The following SART3 variants were observed in gnomAD, a reference collection of about 807,000 sequenced individuals.
SART3 encodes spliceosome associated factor 3, U4/U6 recycling protein.
Under a neutral mutation model 122.3 loss-of-function variants are expected in SART3, and 44 were observed. That is an observed-to-expected ratio of 0.36 (90% CI 0.28 to 0.46). The LOEUF is 0.46. SART3 is among the 20% of genes least tolerant of loss of function. The probability of loss-of-function intolerance (pLI) is 1.00; values close to 1 mark genes in which losing one functional copy is unlikely to be tolerated. For synonymous variants in SART3, 442 were observed against 454.0 expected, an observed-to-expected ratio of 0.97 and a Z score of 0.34; for missense variants, 1,101 against 1,229.0, an observed-to-expected ratio of 0.90 and a Z score of 1.56.
chr12:108,531,327 G>A, intron 13 of SART3, 47 bp from the exon 14 acceptor site: 1 of 1,467,048 alleles, frequency 6.8e-7, no homozygotes, highest in South Asian at 1.1e-5. Context: ...GATTTTGAAG[G>A]ATACAATCAC....
chr12:108,527,091 C>CAGT (rs1872420720), intron 15 of SART3, among the ~76,000 whole-genome samples: 2 of 152,194 alleles, frequency 1.3e-5, no homozygotes, highest in Middle Eastern at 3.2e-3. Context: ...TCCAGAGGGC[C>CAGT]AGTACTGAAG....
intron 3 of SART3, among the ~76,000 whole-genome samples, chr12:108,546,578 TG>T (rs1873431766): frequency 6.8e-6 from 1 of 147,364 alleles, no homozygotes; most frequent in Non-Finnish European, 1.5e-5. Flanking sequence ...TGGAGTACAG[TG>T]GCACAATCTC....
chr12:108,534,660 G>A (rs754799666), intron 12 of SART3, among the ~76,000 whole-genome samples: 10 of 152,118 alleles, frequency 6.6e-5, no homozygotes, highest in Non-Finnish European at 1.2e-4. Flanking sequence ...GGGCAACAGA[G>A]TGAGACTCCC....
chr12:108,550,363 T>C (rs2029956214), intron 1 of SART3, among the ~76,000 whole-genome samples: 1 of 152,158 alleles, frequency 6.6e-6, no homozygotes, highest in Admixed American at 6.5e-5. Context: ...AAATCATATG[T>C]AATGGAACAA....
At chr12:108,545,914 G>A (rs943372541) in intron 3 of SART3, among the ~76,000 whole-genome samples, 1 of 137,046 alleles carries the variant, frequency 7.3e-6, no homozygotes, top group African/African-American at 2.7e-5. Context: ...GTTGCAGTGA[G>A]CCGAGATCAC....
Position 108,523,463 on chromosome 12 carries a change from T to G in SART3, c.2886A>C (p.Arg962Ser), listed in dbSNP as rs1280551101. The G allele has an allele frequency of 1.2e-6, 2 of 1,612,322 alleles. No homozygotes were observed. Among genetic ancestry groups the G allele is most frequent in the Admixed American group, 1.7e-5 (1 of 60,002 alleles). Reference sequence around the variant, plus strand: ...CTGTCTCCCAGCGTCCCGTTCACTTTCTCAGAAACAGCTTGGCAAAATCGG... The same window carrying G: ...CTGTCTCCCAGCGTCCCGTTCACTTGCTCAGAAACAGCTTGGCAAAATCGG... ...SNADFAKLFL[R>S]K is the part of the protein sequence containing the mutation. The change falls in exon 19 of 19, where the codon AGA becomes AGC. Residue 962 changes from arginine (R) to serine (S), a missense_variant. By Grantham distance (110) the Arg-to-Ser change is moderately radical. Transcript: ENST00000546815.
intron 7 of SART3, 88 bp from the exon 8 acceptor site, chr12:108,538,291 A>C: frequency 3.5e-6 from 5 of 1,444,556 alleles, no homozygotes; most frequent in Non-Finnish European, 4.9e-6. Context: ...CAAGTGATGA[A>C]AGAAATGTCC....
intron 13 of SART3, 189 bp from the exon 14 acceptor site, chr12:108,531,469 C>CCTTT: frequency 1.7e-6 from 1 of 584,294 alleles, no homozygotes; most frequent in South Asian, 2.0e-5. Context: ...ATGTCCCTCT[C>CCTTT]CTTTCAGGAG....
At chr12:108,542,775 G>A (rs949040924) in intron 6 of SART3, 18 of 577,482 alleles carry the variant, frequency 3.1e-5, no homozygotes, top group Middle Eastern at 2.6e-4. Flanking sequence ...ATTACCTCTC[G>A]GGAGAGGGAG....
intron 16 of SART3, 23 bp from the exon 17 acceptor site, chr12:108,525,632 G>A: frequency 6.2e-7 from 1 of 1,613,306 alleles, no homozygotes; most frequent in Non-Finnish European, 8.5e-7. Flanking sequence ...GGAAGACAGA[G>A]AAAAACCATG....
In SART3 at chr12:108,522,681, G is replaced by C. The variant is rs1872179713; in HGVS notation, c.*776C>G. 1 of 152,366 alleles carries C rather than the reference G, an allele frequency of 6.6e-6. No individual in the cohort carries two copies. The highest frequency in any genetic ancestry group is 2.1e-4 in the South Asian group (1 of 4,842). The allele number at this position is 152,366 out of a possible 1,614,324, so 9.4% of individuals were successfully genotyped here. Reference sequence around the variant, plus strand: ...TGCACATCTGAGTACCATTCAGCAAGAAGTTTTGAAGAGAACGTCAGTTTA... The same window carrying C: ...TGCACATCTGAGTACCATTCAGCAACAAGTTTTGAAGAGAACGTCAGTTTA... On this transcript the variant is annotated 3_prime_UTR_variant, in exon 19 of 19. Coordinates refer to ENST00000546815, the MANE Select transcript of SART3 (RefSeq NM_014706.4).
intron 12 of SART3, among the ~76,000 whole-genome samples, chr12:108,533,048 G>A (rs10861939): frequency 0.31 from 46,435 of 152,064 alleles, 8,339 homozygotes; most frequent in Middle Eastern, 0.45. Context: ...ATGCAACAGT[G>A]TATTCATATT....
intron 6 of SART3, 159 bp downstream of exon 6, chr12:108,542,869 G>T: frequency 9.9e-7 from 1 of 1,013,112 alleles, no homozygotes. Context: ...GTAGGTACAT[G>T]GATGTTCACT....
intron 18 of SART3, chr12:108,524,048 G>C: frequency 1.7e-6 from 1 of 572,054 alleles, no homozygotes; most frequent in Admixed American, 3.1e-5. Context: ...TGGCAAAGGG[G>C]ACTTTAAAAT....
intron 1 of SART3, chr12:108,554,143 C>T (rs1023860527): frequency 3.7e-5 from 1 of 27,078 alleles, no homozygotes; most frequent in Non-Finnish European, 9.6e-5. Context: ...CCCGGCCCCC[C>T]TCCTATGCCA....
chr12:108,526,089 A>G lies in SART3; in HGVS notation c.2370+10T>C, dbSNP rs202128824. The G allele has an allele frequency of 1.8e-3, 2,885 of 1,611,572 alleles. 8 individuals carry two copies. Among genetic ancestry groups the G allele is most frequent in the Non-Finnish European group, 2.3e-3 (2,666 of 1,178,026 alleles). ...CAGATGAAAGGCATTCTTTTTTTCC[A>G]TAAACCTACCTTAAAATCGGGGTTT... On this transcript the variant is annotated intron_variant, in intron 16 of 18. Transcript: ENST00000546815.
At chr12:108,548,752 T>C (rs546249247) in intron 2 of SART3, among the ~76,000 whole-genome samples, 2 of 152,374 alleles carry the variant, frequency 1.3e-5, no homozygotes, top group Admixed American at 1.3e-4. Flanking sequence ...AAAGTTTAAA[T>C]ATATTTACAA....
chr12:108,545,447 G>A, intron 3 of SART3, 124 bp from the exon 4 acceptor site: 1 of 843,054 alleles, frequency 1.2e-6, no homozygotes, highest in Non-Finnish European at 2.0e-6. Flanking sequence ...TGACAGTGAA[G>A]GCCTAACAGC....
intron 11 of SART3, among the ~76,000 whole-genome samples, chr12:108,536,106 C>T (rs1299940208): frequency 1.3e-5 from 2 of 152,202 alleles, no homozygotes; most frequent in African/African-American, 4.8e-5. Flanking sequence ...CTTGTCAAAT[C>T]ATCTGTCTTC....
Sources: allele counts gnomAD v4.1 joint callset (sites outside exome capture counted in the v4.1 genomes callset), GRCh38; gene constraint gnomAD v4.1.1; transcripts MANE v1.5; gene names NCBI Gene and HGNC (gene_info 2026-07-23, HGNC 2026-07-21).